The following HFM1 variants were observed in gnomAD, a reference collection of about 807,000 sequenced individuals.
The protein encoded by HFM1 is helicase for meiosis 1.
A neutral mutation model predicts 192.1 loss-of-function variants in HFM1; 169 were observed. That is an observed-to-expected ratio of 0.88 (90% CI 0.78 to 1.00). The LOEUF is 1.00. Among genes scored for constraint, HFM1 ranks in the 50% least tolerant of loss-of-function variants. The probability of loss-of-function intolerance (pLI) is 0.00; values close to 1 mark genes in which losing one functional copy is unlikely to be tolerated. For missense variants in HFM1, 1,661 were observed against 1,668.0 expected (o/e 1.00, Z 0.07); for synonymous variants, 525 against 537.8 (o/e 0.98, Z 0.33).
intron 34 of HFM1, among the ~76,000 whole-genome samples, chr1:91,269,882 G>T (rs1666114703): frequency 6.6e-6 from 1 of 152,126 alleles, no homozygotes; most frequent in Non-Finnish European, 1.5e-5. Context: ...GGGGAGAACT[G>T]TAAGTTTTCA....
intron 30 of HFM1, among the ~76,000 whole-genome samples, chr1:91,298,242 A>G (rs927439944): frequency 1.3e-5 from 2 of 152,200 alleles, no homozygotes; most frequent in Non-Finnish European, 2.9e-5. Context: ...TAGAGAAAAA[A>G]GAATAAAAAG....
intron 34 of HFM1, among the ~76,000 whole-genome samples, chr1:91,270,582 AAAAAAAG>A (rs1557754867): frequency 6.6e-6 from 1 of 151,740 alleles, no homozygotes; most frequent in East Asian, 1.9e-4. Context: ...AATAAAAAAA[AAAAAAAG>A]AAAAAAGAAT....
intron 13 of HFM1, among the ~76,000 whole-genome samples, chr1:91,358,318 A>T (rs1254816369): frequency 1.3e-5 from 2 of 152,102 alleles, no homozygotes; most frequent in Non-Finnish European, 2.9e-5. Flanking sequence ...ATTAGTATGG[A>T]ACCACAATAA....
intron 1 of HFM1, among the ~76,000 whole-genome samples, chr1:91,404,081 T>C (rs1311697014): frequency 6.6e-6 from 1 of 152,068 alleles, no homozygotes; most frequent in Non-Finnish European, 1.5e-5. Flanking sequence ...CCGTCACAAA[T>C]AACTGCAGAG....
intron 26 of HFM1, 44 bp downstream of exon 26, chr1:91,316,347 G>A (rs375592424): frequency 3.4e-6 from 4 of 1,162,282 alleles, no homozygotes. Context: ...ATAAAGGTAG[G>A]CCTCAGAATT....
chr1:91,361,312 T>G (rs1035210080), intron 13 of HFM1, among the ~76,000 whole-genome samples: 1 of 150,900 alleles, frequency 6.6e-6, no homozygotes, highest in Non-Finnish European at 1.5e-5. Context: ...CTAGCTAGAC[T>G]AATAAAGAAG....
Position 91,276,611 on chromosome 1 carries a change from AT to A in HFM1, c.3588+16del, listed in dbSNP as rs770594610. On this transcript the variant is annotated intron_variant, in intron 32 of 38. Transcript: ENST00000370425. ...GTTTAACTACAGAACAATGGGAAAA[AT>A]GTTATTAAAACTAACCTTCAGACGT... 8.1e-7 allele frequency: 1 copy of A among 1,231,084 alleles called. No individual in the cohort carries two copies. The highest frequency in any genetic ancestry group is 1.2e-6 in the Non-Finnish European group (1 of 866,958). 76.3% of individuals were successfully genotyped at this position (1,231,084 alleles called of 1,614,324 possible). A position where few individuals can be genotyped will look rare whatever the true frequency, so the allele number is the denominator to read the frequency against.
chr1:91,345,480 G>A (rs1223929777), intron 19 of HFM1, among the ~76,000 whole-genome samples: 1 of 152,076 alleles, frequency 6.6e-6, no homozygotes, highest in Non-Finnish European at 1.5e-5. Flanking sequence ...AAGAGTGACG[G>A]GGAAGCTATT....
rs77628137 is a variant in HFM1, at chr1:91,399,060, C to T, written c.71+1952G>A. On this transcript the variant is annotated intron_variant, in intron 2 of 38. Transcript: ENST00000370425. ...GTGCCCTGCCCCACTCCGATATCTA[C>T]ATGCAGAAGTTCTACTATTTTATTC... is the stretch of plus-strand genomic sequence containing the variant. 1.4e-3 allele frequency among the ~76,000 whole-genome samples: 218 copies of T among 152,298 alleles called. 3 individuals carry two copies. The East Asian group carries it at 0.023, about 16-fold the overall frequency.
intron 33 of HFM1, 146 bp from the exon 34 acceptor site, chr1:91,273,961 A>G: frequency 1.8e-6 from 1 of 557,212 alleles, no homozygotes. Flanking sequence ...GTAGCAAATA[A>G]ATAGGTGTTT....
intron 30 of HFM1, among the ~76,000 whole-genome samples, chr1:91,290,661 G>A (rs1469399198): frequency 2.0e-5 from 3 of 151,986 alleles, no homozygotes; most frequent in Non-Finnish European, 4.4e-5. Flanking sequence ...AAGTCAACAA[G>A]GATACCCAGG....
intron 19 of HFM1, among the ~76,000 whole-genome samples, chr1:91,345,678 T>C (rs184327476): frequency 6.6e-6 from 1 of 152,286 alleles, no homozygotes; most frequent in East Asian, 1.9e-4. Context: ...ACTCTGATCT[T>C]TCCCTGCCTT....
chr1:91,302,724 T>C lies in HFM1; in HGVS notation c.3391+10625A>G, dbSNP rs192429871. ...TGCATGTTCTTACTCATAGGTGGAA[T>C]TGAACAATGAGAACACATAGACACA... On this transcript the variant is annotated intron_variant, in intron 30 of 38. Transcript: ENST00000370425. Among the ~76,000 whole-genome samples, 299 of 139,806 alleles carry C rather than the reference T, an allele frequency of 2.1e-3. 3 individuals carry two copies. Among genetic ancestry groups the C allele is most frequent in the South Asian group, 6.3e-3 (29 of 4,570 alleles). 91.7% of individuals were successfully genotyped at this position (139,806 alleles called of 152,430 possible).
Position 91,316,126 on chromosome 1 carries a change from G to C in HFM1, c.2957C>G (p.Pro986Arg). Reference sequence around the variant, plus strand: ...CTGTTCCACTTTAAGTTCATATTTTGGTAGATACATCACAGTTTCTTTTAT... The same window carrying C: ...CTGTTCCACTTTAAGTTCATATTTTCGTAGATACATCACAGTTTCTTTTAT... Reference protein sequence around the residue: ...TQIKETVMYLPKYELKVEQIT... With the variant: ...TQIKETVMYLRKYELKVEQIT... The change falls in exon 27 of 39, where the codon CCA (proline) becomes CGA (arginine). Residue 986 changes from proline (P) to arginine (R), a missense_variant. Coordinates refer to ENST00000370425, the MANE Select transcript of HFM1 (RefSeq NM_001017975.6). 5 of 1,591,110 alleles carry C rather than the reference G, an allele frequency of 3.1e-6. No individual in the cohort carries two copies. The highest frequency in any genetic ancestry group is 4.3e-6 in the Non-Finnish European group (5 of 1,163,770).
rs539261270 is a variant in HFM1 at position 91,325,868 on chromosome 1, A to T, written c.2336-1102T>A. On this transcript the variant is annotated intron_variant, in intron 20 of 38. Coordinates refer to ENST00000370425, the MANE Select transcript of HFM1 (RefSeq NM_001017975.6). ...CAAAGAAATTCAAGATAACACAGAG[A>T]AAGGATTCAGAATTCTATCAGATAA... is the stretch of plus-strand genomic sequence containing the variant. Among the ~76,000 whole-genome samples the T allele has an allele frequency of 2.0e-5, 3 of 152,300 alleles. No individual in the cohort carries two copies. In the South Asian group the frequency reaches 6.2e-4, roughly 32 times the overall value.
In HFM1 at chr1:91,287,031, T is replaced by C. The variant is rs112320790; in HGVS notation, c.3392-9969A>G. The stretch of plus-strand genomic sequence containing the variant: ...TCCTACGCCCACGGAGTCTCGCTGA[T>C]TGCTAGCACAGCAGTCTGAGATCAA... On this transcript the variant is annotated intron_variant, in intron 30 of 38. Transcript: ENST00000370425. Among the ~76,000 whole-genome samples, 355 of 152,078 alleles carry C rather than the reference T, an allele frequency of 2.3e-3. 1 individual carries two copies. The highest frequency in any genetic ancestry group is 8.0e-3 in the African/African-American group (334 of 41,498).
At chr1:91,306,487 G>A (rs1422410590) in intron 30 of HFM1, among the ~76,000 whole-genome samples, 1 of 151,920 alleles carries the variant, frequency 6.6e-6, no homozygotes, top group Non-Finnish European at 1.5e-5. Context: ...TGTTAACATA[G>A]TGAATTATAT....
intron 28 of HFM1, among the ~76,000 whole-genome samples, chr1:91,314,826 A>G (rs1396504966): frequency 1.3e-5 from 2 of 152,210 alleles, no homozygotes; most frequent in Non-Finnish European, 2.9e-5. Context: ...CAGAGAACAA[A>G]GATTTGTACA....
In HFM1 at chr1:91,401,078, A is replaced by G. The variant is rs72952916; in HGVS notation, c.5T>C (p.Leu2Pro). M[L>P]KSNDCLFSLE... ...AGAAAACAGGCAATCATTTGATTTC[A>G]GCATTGTTGAAAACTGGACTTTGTC... Residue 2 changes from leucine to proline, a missense_variant, in exon 2 of 39, where the codon CTG (leucine) becomes CCG (proline). Coordinates refer to ENST00000370425, the MANE Select transcript of HFM1 (RefSeq NM_001017975.6). 8.3e-4 allele frequency: 1,287 copies of G among 1,545,348 alleles called. 10 individuals are homozygous for G. The African/African-American group carries it at 0.014, about 17-fold the overall frequency.
Sources: allele counts gnomAD v4.1 joint callset (sites outside exome capture counted in the v4.1 genomes callset), GRCh38; gene constraint gnomAD v4.1.1; transcripts MANE v1.5; gene names NCBI Gene and HGNC (gene_info 2026-07-23, HGNC 2026-07-21).